The following HMGCLL1 variants were observed in gnomAD, a reference collection of about 807,000 sequenced individuals.
HMGCLL1 encodes the protein 3-hydroxy-3-methylglutaryl-CoA lyase like 1.
In HMGCLL1, 36 loss-of-function variants were observed where a neutral mutation model predicts 39.1. That is an observed-to-expected ratio of 0.92 (90% confidence interval 0.71 to 1.22). HMGCLL1 has a LOEUF of 1.22. HMGCLL1 is among the 50% of genes most tolerant of loss of function. The probability of loss-of-function intolerance (pLI) is 0.00; values close to 1 mark genes in which losing one functional copy is unlikely to be tolerated. For synonymous variants in HMGCLL1, 149 were observed against 144.0 expected, an observed-to-expected ratio of 1.03 and a Z score of -0.25; for missense variants, 451 against 416.5, an observed-to-expected ratio of 1.08 and a Z score of -0.72.
chr6:55,615,941 T>C, the HMGCLL1 span, among the ~76,000 whole-genome samples: 1 of 152,124 alleles, frequency 6.6e-6, no homozygotes, highest in South Asian at 2.1e-4. Context: ...GACCCTGCCC[T>C]ATCCCCCACT....
At chr6:55,466,433 A>G (rs1450368415) in intron 7 of HMGCLL1, among the ~76,000 whole-genome samples, 1 of 152,090 alleles carries the variant, frequency 6.6e-6, no homozygotes, top group Non-Finnish European at 1.5e-5. Context: ...AGAATCTGCA[A>G]TGACCTTTAT....
chr6:55,489,050 G>A (rs1476249948), intron 7 of HMGCLL1, among the ~76,000 whole-genome samples: 1 of 151,926 alleles, frequency 6.6e-6, no homozygotes, highest in Non-Finnish European at 1.5e-5. Context: ...TTTATGTTCA[G>A]TACAACACTG....
the HMGCLL1 span, among the ~76,000 whole-genome samples, chr6:55,601,677 T>C: frequency 6.6e-6 from 1 of 152,140 alleles, no homozygotes; most frequent in South Asian, 2.1e-4. Context: ...TCCTTGTAAG[T>C]CCATTCACTT....
At chr6:55,466,951 C>G (rs1311592175) in intron 7 of HMGCLL1, among the ~76,000 whole-genome samples, 1 of 152,062 alleles carries the variant, frequency 6.6e-6, no homozygotes, top group Non-Finnish European at 1.5e-5. Flanking sequence ...AATGTGTTTT[C>G]AGCCTCATCA....
the HMGCLL1 span, among the ~76,000 whole-genome samples, chr6:55,614,140 C>A: frequency 2.0e-5 from 3 of 151,950 alleles, no homozygotes; most frequent in Non-Finnish European, 4.4e-5. Flanking sequence ...ATGTCTTATA[C>A]AAATAAATTG....
chr6:55,483,995 A>C (rs1765876290), intron 7 of HMGCLL1, among the ~76,000 whole-genome samples: 1 of 152,192 alleles, frequency 6.6e-6, no homozygotes, highest in South Asian at 2.1e-4. Context: ...TAAATGGATA[A>C]AAAATGTGTT....
the HMGCLL1 span, among the ~76,000 whole-genome samples, chr6:55,666,565 G>A: frequency 6.6e-6 from 1 of 151,556 alleles, no homozygotes; most frequent in Non-Finnish European, 1.5e-5. Context: ...TATTATGAGA[G>A]ACCAGGCCAC....
chr6:55,593,411 C>T, the HMGCLL1 span, among the ~76,000 whole-genome samples: 1 of 152,100 alleles, frequency 6.6e-6, no homozygotes, highest in African/African-American at 2.4e-5. Context: ...AAATAACAGC[C>T]AGCAAAATTA....
chr6:55,573,969 A>T (rs1198571884), intron 1 of HMGCLL1, among the ~76,000 whole-genome samples: 1 of 152,096 alleles, frequency 6.6e-6, no homozygotes, highest in Non-Finnish European at 1.5e-5. Context: ...GACCAAAAAT[A>T]AGACAAATCG....
the HMGCLL1 span, among the ~76,000 whole-genome samples, chr6:55,592,882 A>G: frequency 2.0e-5 from 3 of 152,128 alleles, no homozygotes; most frequent in Non-Finnish European, 4.4e-5. Flanking sequence ...AGAGAGCCAG[A>G]ATTCAAACCC....
intron 7 of HMGCLL1, among the ~76,000 whole-genome samples, chr6:55,448,493 T>C (rs1434108176): frequency 2.0e-5 from 3 of 151,958 alleles, no homozygotes; most frequent in Non-Finnish European, 4.4e-5. Flanking sequence ...ATACCACTCA[T>C]ATATTTAGGA....
intron 5 of HMGCLL1, chr6:55,512,260 T>C (rs542302860): frequency 5.3e-5 from 8 of 152,186 alleles, no homozygotes; most frequent in Admixed American, 5.2e-4. Flanking sequence ...TCACATACTT[T>C]TTAACTTTCC....
chr6:55,635,107 G>A, the HMGCLL1 span, among the ~76,000 whole-genome samples: 13 of 151,760 alleles, frequency 8.6e-5, no homozygotes, highest in African/African-American at 1.5e-4. Context: ...GACCTGATTC[G>A]TATAGATGTT....
At chr6:55,462,336 T>C (rs1051686441) in intron 7 of HMGCLL1, among the ~76,000 whole-genome samples, 2 of 152,146 alleles carry the variant, frequency 1.3e-5, no homozygotes, top group African/African-American at 2.4e-5. Flanking sequence ...TTCCTTCCTA[T>C]GCTCACCATG....
chr6:55,494,833 T>A (rs1766492319), intron 7 of HMGCLL1, among the ~76,000 whole-genome samples: 1 of 152,334 alleles, frequency 6.6e-6, no homozygotes, highest in East Asian at 1.9e-4. Flanking sequence ...ACATTTAAAA[T>A]AACACAGAGT....
chr6:55,647,745 C>CTTTTTTTTTTTTTTTTTTCT, the HMGCLL1 span, among the ~76,000 whole-genome samples: 1 of 115,856 alleles, frequency 8.6e-6, no homozygotes, highest in Non-Finnish European at 1.8e-5. Flanking sequence ...TTTTTTTTTC[C>CTTTTTTTTTTTTTTTTTTCT]TTTTTTTTTT....
the HMGCLL1 span, among the ~76,000 whole-genome samples, chr6:55,597,502 C>G: frequency 4.7e-5 from 7 of 148,712 alleles, 1 homozygote; most frequent in Middle Eastern, 6.6e-3. Context: ...AAGTACAAAA[C>G]ATATTAAGAT....
chr6:55,501,765 T>C (rs1045654986), intron 5 of HMGCLL1, among the ~76,000 whole-genome samples: 2 of 151,940 alleles, frequency 1.3e-5, no homozygotes, highest in Non-Finnish European at 2.9e-5. Flanking sequence ...AGTTCTATTA[T>C]ACTGCCAACA....
Position 55,453,047 on chromosome 6 carries a change from A to T in HMGCLL1, c.796-13488T>A, listed in dbSNP as rs191005662. Among the ~76,000 whole-genome samples, 3 of 152,232 alleles carry T rather than the reference A, an allele frequency of 2.0e-5. No homozygotes were observed. In the East Asian group the frequency reaches 5.8e-4, roughly 29 times the overall value. On this transcript the variant is annotated intron_variant, in intron 7 of 8. Transcript: ENST00000274901. The stretch of plus-strand genomic sequence containing the variant: ...TTGCCTCTGAATTGGGCTTTGAAGG[A>T]TATTGACAAGGGTGGGGAGAGGATG...
Sources: gnomAD v4.1 joint callset for allele counts (sites outside exome capture counted in the v4.1 genomes callset) on GRCh38, gnomAD v4.1.1 for gene constraint, MANE v1.5 for transcripts, NCBI Gene and HGNC (gene_info 2026-07-23, HGNC 2026-07-21) for gene names.